Variants in ANK2 observed in about 807,000 individuals in gnomAD.
The protein encoded by ANK2 is ankyrin 2.
In ANK2, 83 loss-of-function variants were observed where a neutral mutation model predicts 360.5. That is an observed-to-expected ratio of 0.23 (90% CI 0.19 to 0.28). The LOEUF (loss-of-function observed/expected upper bound fraction) is 0.28, where lower values mean the gene tolerates loss of function less well. Among genes scored for constraint, ANK2 ranks in the 10% least tolerant of loss-of-function variants. ANK2 has a pLI of 1.00. For synonymous variants in ANK2, 1,740 were observed against 1,759.5 expected (o/e 0.99, Z 0.28); for missense variants, 4,201 against 4,795.7 (o/e 0.88, Z 3.66).
At chr4:113,117,720 T>C (rs1185675591) in intron 1 of ANK2, among the ~76,000 whole-genome samples, 2 of 152,218 alleles carry the variant, frequency 1.3e-5, no homozygotes, top group African/African-American at 4.8e-5. Context: ...AGGCTACTCT[T>C]AGTACTGGGC....
At chr4:113,051,387 T>G (rs1009150805) in intron 1 of ANK2, among the ~76,000 whole-genome samples, 6 of 152,170 alleles carry the variant, frequency 3.9e-5, no homozygotes, top group Non-Finnish European at 5.9e-5. Flanking sequence ...TAACTTCACA[T>G]GACCAAAGCC....
chr4:113,375,060 A>G (rs1283916529), intron 45 of ANK2: 2 of 439,086 alleles, frequency 4.6e-6, no homozygotes, highest in African/African-American at 4.3e-5. Flanking sequence ...GGAAAGGTGC[A>G]GAATAATTCA....
chr4:112,819,972 A>T (rs2056533329), intron 1 of ANK2, among the ~76,000 whole-genome samples: 1 of 152,226 alleles, frequency 6.6e-6, no homozygotes, highest in South Asian at 2.1e-4. Context: ...GGAGTGTGAT[A>T]AAACGATGCT....
chr4:112,734,187 T>C, the ANK2 span, among the ~76,000 whole-genome samples: 1 of 152,290 alleles, frequency 6.6e-6, no homozygotes, highest in Admixed American at 6.5e-5. Flanking sequence ...AATAGTAACA[T>C]TGATTTCCAT....
Position 113,137,582 on chromosome 4 carries a change from CTTAA to C in ANK2, c.85-36831_85-36828del, listed in dbSNP as rs142454743. 4.1e-3 allele frequency among the ~76,000 whole-genome samples: 631 copies of C among 152,230 alleles called. 8 individuals carry two copies. Among genetic ancestry groups the C allele is most frequent in the African/African-American group, 0.014 (570 of 41,554 alleles). On this transcript the variant is annotated intron_variant, in intron 1 of 45. Transcript: ENST00000357077. The stretch of plus-strand genomic sequence containing the variant: ...ATAATTGCTCTTAAAGAAGAAAACC[CTTAA>C]TTTTTAGAGATATATCTGCATTTTA...
chr4:113,180,722 A>G (rs1191097990), intron 2 of ANK2, among the ~76,000 whole-genome samples: 1 of 152,190 alleles, frequency 6.6e-6, no homozygotes, highest in Non-Finnish European at 1.5e-5. Flanking sequence ...AACAACAAAA[A>G]TGAATAGGGG....
intron 1 of ANK2, among the ~76,000 whole-genome samples, chr4:113,124,075 G>A (rs2095524536): frequency 6.6e-6 from 1 of 152,328 alleles, no homozygotes; most frequent in Admixed American, 6.5e-5. Context: ...AAGGTTGTGT[G>A]TAAATGACTT....
At chr4:112,994,832 A>G (rs1283573421) in intron 2 of ANK2, among the ~76,000 whole-genome samples, 1 of 152,110 alleles carries the variant, frequency 6.6e-6, no homozygotes, top group East Asian at 1.9e-4. Flanking sequence ...TTTAGCTCCC[A>G]CTTATAAGTG....
At chr4:113,380,790 G>A (rs2097145851) in intron 45 of ANK2, among the ~76,000 whole-genome samples, 1 of 152,204 alleles carries the variant, frequency 6.6e-6, no homozygotes, top group Non-Finnish European at 1.5e-5. Flanking sequence ...GGAGAATCCG[G>A]AGGAAGCAGT....
intron 2 of ANK2, among the ~76,000 whole-genome samples, chr4:112,936,340 A>G (rs2093711833): frequency 6.6e-6 from 1 of 151,758 alleles, no homozygotes; most frequent in Non-Finnish European, 1.5e-5. Flanking sequence ...TACTTTTCTA[A>G]TCATTATCCT....
intron 2 of ANK2, among the ~76,000 whole-genome samples, chr4:113,176,445 C>T (rs1029337907): frequency 6.6e-6 from 1 of 151,898 alleles, no homozygotes; most frequent in East Asian, 1.9e-4. Flanking sequence ...TCTTATTTTT[C>T]ATTATGAATC....
At chr4:113,299,670 A>T (rs1363739115) in intron 22 of ANK2, among the ~76,000 whole-genome samples, 2 of 149,634 alleles carry the variant, frequency 1.3e-5, no homozygotes, top group African/African-American at 5.0e-5. Flanking sequence ...GTGCCATTGC[A>T]CTCCAGCCTG....
intron 4 of ANK2, among the ~76,000 whole-genome samples, chr4:113,203,724 C>T (rs2098893388): frequency 6.6e-6 from 1 of 152,050 alleles, no homozygotes; most frequent in Non-Finnish European, 1.5e-5. Context: ...TTTTGATATT[C>T]CTTTACTTTA....
intron 22 of ANK2, among the ~76,000 whole-genome samples, chr4:113,301,057 A>T (rs1003135420): frequency 6.6e-6 from 1 of 152,226 alleles, no homozygotes; most frequent in Non-Finnish European, 1.5e-5. Context: ...CTTTCAAACA[A>T]TTATCTAACA....
chr4:112,788,702 G>A, the ANK2 span: 1 of 1,597,356 alleles, frequency 6.3e-7, no homozygotes, highest in Non-Finnish European at 8.5e-7. Context: ...ACCTGATATA[G>A]CGGGGCCATT....
At position 113,369,669 on chromosome 4, in the gene ANK2, T is replaced by C. The variant is rs1460900882; in HGVS notation, c.11474T>C (p.Ile3825Thr). 6.2e-7 allele frequency: 1 copy of C among 1,614,002 alleles called. No individual in the cohort carries two copies. The highest frequency in any genetic ancestry group is 8.5e-7 in the Non-Finnish European group (1 of 1,179,980). The change falls in exon 43 of 46, where the codon ATC (isoleucine) becomes ACC (threonine). Residue 3825 changes from isoleucine to threonine, a missense_variant. Around this residue, in one of 4 missense-constraint regions of ANK2, gnomAD observed 2,642 missense variants for 2,714.5 expected, o/e 0.97. Transcript: ENST00000357077. ...PTSSERGGSP[I>T]IQEPEEPSEH... ...TCCAGCGAGCGGGGAGGCTCTCCCA[T>C]CATACAAGAACCCGAAGAGCCCTCA...
chr4:113,030,096 G>A (rs1269953222), intron 2 of ANK2, among the ~76,000 whole-genome samples: 1 of 151,840 alleles, frequency 6.6e-6, no homozygotes, highest in African/African-American at 2.4e-5. Context: ...ACCATGAAAG[G>A]GCAACAAAAT....
intron 1 of ANK2, among the ~76,000 whole-genome samples, chr4:113,072,488 A>T (rs1326002998): frequency 6.6e-6 from 1 of 152,178 alleles, no homozygotes; most frequent in Non-Finnish European, 1.5e-5. Flanking sequence ...TTCCTGCCGG[A>T]CTGGTCTTTG....
intron 4 of ANK2, among the ~76,000 whole-genome samples, chr4:113,203,088 AT>A (rs1171093344): frequency 6.6e-6 from 1 of 152,168 alleles, no homozygotes; most frequent in Admixed American, 6.5e-5. Context: ...GAGTTGAGGA[AT>A]GTTATTTGCT....
Sources: gnomAD v4.1 joint callset for allele counts (sites outside exome capture counted in the v4.1 genomes callset) on GRCh38, gnomAD v4.1.1 for gene constraint, gnomAD v4.1.1 regional missense constraint, MANE v1.5 for transcripts, NCBI Gene and HGNC (gene_info 2026-07-23, HGNC 2026-07-21) for gene names.